ABCA13: variants seen among roughly 807,000 people sequenced by gnomAD.
ABCA13 encodes ATP binding cassette subfamily A member 13.
A neutral mutation model predicts 478.7 loss-of-function variants in ABCA13; 476 were observed. The ratio of observed to expected loss-of-function variants is 0.99; its 90% CI spans 0.92 to 1.07. ABCA13 has a LOEUF of 1.07. Among genes scored for constraint, ABCA13 ranks in the 50% least tolerant of loss-of-function variants. The pLI is 0.00. For missense variants in ABCA13, 6,060 were observed against 5,910.6 expected (o/e 1.03, Z -0.83); for synonymous variants, 2,252 against 2,158.9 (o/e 1.04, Z -1.20).
chr7:48,208,440 G>A (rs1479363176), intron 3 of ABCA13, among the ~76,000 whole-genome samples: 1 of 152,004 alleles, frequency 6.6e-6, no homozygotes, highest in Non-Finnish European at 1.5e-5. Flanking sequence ...CCATGAACAC[G>A]GAACATCTTT....
At chr7:48,492,656 C>G (rs1348223565) in intron 48 of ABCA13, among the ~76,000 whole-genome samples, 1 of 152,174 alleles carries the variant, frequency 6.6e-6, no homozygotes, top group Non-Finnish European at 1.5e-5. Context: ...GAGTGGGCTA[C>G]TTATTGCTGT....
At chr7:48,372,058 G>A in intron 32 of ABCA13, 110 bp from the exon 33 acceptor site, 4 of 1,122,516 alleles carry the variant, frequency 3.6e-6, no homozygotes, top group Non-Finnish European at 5.0e-6. Context: ...GAATTTGCAA[G>A]CAAGCAGATT....
intron 27 of ABCA13, among the ~76,000 whole-genome samples, chr7:48,321,152 A>G (rs755500594): frequency 1.4e-4 from 21 of 152,256 alleles, no homozygotes; most frequent in Non-Finnish European, 2.2e-4. Flanking sequence ...GTATCTGAAG[A>G]TATTTTTAGT....
chr7:48,304,657 A>G lies in ABCA13; in HGVS notation c.9322-5290A>G, dbSNP rs144052966. The stretch of plus-strand genomic sequence containing the variant: ...GAGGGGGAAAAAGAGTTGAAAAACC[A>G]CCTATTGGGCACTATGCTCACTACC... On this transcript the variant is annotated intron_variant, in intron 23 of 61. Coordinates refer to ENST00000435803, the MANE Select transcript of ABCA13 (RefSeq NM_152701.5). 6.6e-4 allele frequency among the ~76,000 whole-genome samples: 100 copies of G among 152,168 alleles called. 2 individuals are homozygous for G. In the East Asian group the frequency reaches 0.011, roughly 16 times the overall value.
At chr7:48,632,631 T>A (rs1794261394) in intron 59 of ABCA13, among the ~76,000 whole-genome samples, 1 of 152,146 alleles carries the variant, frequency 6.6e-6, no homozygotes, top group African/African-American at 2.4e-5. Flanking sequence ...CTTCATTTAT[T>A]TGCATGTGGT....
chr7:48,335,564 A>G (rs761970021), intron 28 of ABCA13, 29 bp downstream of exon 28: 1 of 1,576,068 alleles, frequency 6.3e-7, no homozygotes, highest in South Asian at 1.1e-5. Flanking sequence ...CCACCGAGGG[A>G]TGGGGAGCTA....
intron 1 of ABCA13, among the ~76,000 whole-genome samples, chr7:48,189,788 T>G (rs1353083223): frequency 6.6e-6 from 1 of 152,130 alleles, no homozygotes; most frequent in Non-Finnish European, 1.5e-5. Flanking sequence ...GATTGATAAA[T>G]TAATGGCATG....
chr7:48,189,201 C>A (rs1423561758), intron 1 of ABCA13, among the ~76,000 whole-genome samples: 1 of 152,072 alleles, frequency 6.6e-6, no homozygotes, highest in African/African-American at 2.4e-5. Context: ...GAAGCCCTAG[C>A]ATTAATCAGA....
Position 48,455,186 on chromosome 7 carries a change from T to G in ABCA13, c.12715T>G (p.Leu4239Val). ...GCTGCTGCCAGTCCTCTTCGTGGCCTTGGCCATGGGCTTGTTCATGGTGAG... is the reference window on the plus strand; with the variant it reads ...GCTGCTGCCAGTCCTCTTCGTGGCCGTGGCCATGGGCTTGTTCATGGTGAG... ...DLLLPVLFVA[L>V]AMGLFMVRPL... is the part of the protein sequence containing the mutation. Residue 4239 changes from leucine to valine, a missense_variant, in exon 43 of 62, where the codon TTG becomes GTG. Physicochemically the swap from Leu to Val is conservative, Grantham distance 32. Transcript: ENST00000435803. 1 of 1,590,750 alleles carries G rather than the reference T, an allele frequency of 6.3e-7. No homozygotes were observed. Among genetic ancestry groups the G allele is most frequent in the Non-Finnish European group, 8.6e-7 (1 of 1,168,936 alleles).
chr7:48,280,157 AGTT>A (rs1176488948), intron 18 of ABCA13, among the ~76,000 whole-genome samples: 1 of 152,222 alleles, frequency 6.6e-6, no homozygotes, highest in African/African-American at 2.4e-5. Flanking sequence ...TTCAAAAGTA[AGTT>A]ATTTTATTCT....
At position 48,275,498 on chromosome 7, in the gene ABCA13, TA is replaced by T; in HGVS notation, c.5833del (p.Ser1945ValfsTer4). The T allele has an allele frequency of 2.5e-6, 4 of 1,613,930 alleles. No individual in the cohort carries two copies. Among genetic ancestry groups the T allele is most frequent in the Non-Finnish European group, 2.5e-6 (3 of 1,179,842 alleles). ...TRDSISELCPSGSIKQVALQI... is the reference protein window; with the variant it reads ...TRDSISELCPXGSIKQVALQI... ...GGGATAGCATCTCTGAACTCTGTCCTAGTGGTTCCATAAAGCAAGTTGCTTT... is the reference window on the plus strand; with the variant it reads ...GGGATAGCATCTCTGAACTCTGTCCTGTGGTTCCATAAAGCAAGTTGCTTT... On this transcript the variant is annotated frameshift_variant, in exon 17 of 62. Coordinates refer to ENST00000435803, the MANE Select transcript of ABCA13 (RefSeq NM_152701.5). LOFTEE classifies it high-confidence loss of function.
At chr7:48,442,249 T>C (rs139371925) in intron 42 of ABCA13, among the ~76,000 whole-genome samples, 1 of 149,456 alleles carries the variant, frequency 6.7e-6, no homozygotes, top group Non-Finnish European at 1.5e-5. Flanking sequence ...CAAGTTGTAG[T>C]TGTATTGGCA....
chr7:48,325,778 T>A (rs941371168), intron 27 of ABCA13, among the ~76,000 whole-genome samples: 82 of 152,330 alleles, frequency 5.4e-4, no homozygotes, highest in African/African-American at 1.9e-3. Flanking sequence ...GAATAACTCT[T>A]GCCCCTAGAG....
chr7:48,219,638 T>A, intron 4 of ABCA13, 133 bp downstream of exon 4: 1 of 1,207,080 alleles, frequency 8.3e-7, no homozygotes, highest in Non-Finnish European at 1.1e-6. Context: ...GAGTCTTTGA[T>A]GGATGAGGCC....
At chr7:48,175,948 G>A (rs1189798218) in intron 1 of ABCA13, among the ~76,000 whole-genome samples, 1 of 152,122 alleles carries the variant, frequency 6.6e-6, no homozygotes, top group Non-Finnish European at 1.5e-5. Flanking sequence ...TCCTTGGATA[G>A]CTCTTAGTTT....
chr7:48,563,411 T>C (rs1786668953), intron 55 of ABCA13, among the ~76,000 whole-genome samples: 1 of 151,584 alleles, frequency 6.6e-6, no homozygotes. Context: ...AGTAGGGAAA[T>C]GTGTCATTAA....
Position 48,229,908 on chromosome 7 carries a change from C to T in ABCA13, c.716C>T (p.Thr239Ile), listed in dbSNP as rs1439785999. ...SQVSELVLNV[T>I]ISTLTFLQQH... is the part of the protein sequence containing the mutation. ...GTTTCTGAACTTGTACTGAATGTGA[C>T]CATTTCGACACTGACATTTCTGCAG... Residue 239 changes from threonine (T) to isoleucine (I), a missense_variant, in exon 7 of 62, where the codon ACC (threonine) becomes ATC (isoleucine). Thr to Ile is a moderately conservative substitution (Grantham distance 89). Transcript: ENST00000435803. The T allele has an allele frequency of 6.2e-7, 1 of 1,613,988 alleles. No homozygotes were observed. The highest frequency in any genetic ancestry group is 2.2e-5 in the East Asian group (1 of 44,890).
chr7:48,541,435 C>T (rs1024860585), intron 55 of ABCA13, among the ~76,000 whole-genome samples: 14 of 151,982 alleles, frequency 9.2e-5, no homozygotes, highest in African/African-American at 2.2e-4. Flanking sequence ...CTCTCTTATT[C>T]GCCGAGTATT....
At chr7:48,395,464 A>T (rs1490738338) in intron 38 of ABCA13, among the ~76,000 whole-genome samples, 1 of 152,218 alleles carries the variant, frequency 6.6e-6, no homozygotes, top group Non-Finnish European at 1.5e-5. Flanking sequence ...TGAACAACAC[A>T]GGTTTGAACC....
Sources: allele counts gnomAD v4.1 joint callset (sites outside exome capture counted in the v4.1 genomes callset), GRCh38; gene constraint gnomAD v4.1.1; transcripts MANE v1.5; gene names NCBI Gene and HGNC (gene_info 2026-07-23, HGNC 2026-07-21).